MYO16: variants seen among roughly 807,000 people sequenced by gnomAD.
The protein encoded by MYO16 is unconventional myosin-XVI.
A neutral mutation model predicts 205.3 loss-of-function variants in MYO16; 94 were observed. The ratio of observed to expected loss-of-function variants is 0.46; its 90% CI spans 0.39 to 0.54. MYO16 has a LOEUF of 0.54. MYO16 is among the 20% of genes least tolerant of loss of function. MYO16 has a pLI of 0.00. For missense variants in MYO16, 2,315 were observed against 2,387.5 expected, an observed-to-expected ratio of 0.97 and a Z score of 0.63; for synonymous variants, 988 against 954.0, an observed-to-expected ratio of 1.04 and a Z score of -0.66.
At chr13:109,181,499 T>C (rs889178221) in intron 34 of MYO16, among the ~76,000 whole-genome samples, 3 of 152,254 alleles carry the variant, frequency 2.0e-5, no homozygotes, top group African/African-American at 7.2e-5. Flanking sequence ...CCTGGACAGA[T>C]TGGGCACGTA....
At position 109,140,977 on chromosome 13, in the gene MYO16, G is replaced by A; in HGVS notation, c.4765G>A (p.Ala1589Thr). 9.8e-6 allele frequency: 14 copies of A among 1,421,414 alleles called. No homozygotes were observed. Among genetic ancestry groups the A allele is most frequent in the East Asian group, 9.1e-5 (3 of 32,788 alleles). 88.1% of individuals were successfully genotyped at this position (1,421,414 alleles called of 1,614,324 possible). ...GLALFNGSGR[A>T]SPPSTPPPPP... is the part of the protein sequence containing the mutation. Reference sequence around the variant, plus strand: ...GGCGCTGTTCAACGGGTCCGGCCGAGCCTCCCCGCCGTCCACGCCGCCCCC... The same window carrying A: ...GGCGCTGTTCAACGGGTCCGGCCGAACCTCCCCGCCGTCCACGCCGCCCCC... The change falls in exon 32 of 35, where the codon GCC becomes ACC. Residue 1589 changes from alanine to threonine, a missense_variant. This residue lies in a region of MYO16 where 1,097 missense variants were observed against 1,092.0 expected (regional missense o/e 1.00). Coordinates refer to ENST00000457511, the MANE Select transcript of MYO16 (RefSeq NM_001198950.3). The surrounding 1 kb of genome is among the most constrained non-coding windows in gnomAD (Gnocchi z 8.0).
intron 4 of MYO16, among the ~76,000 whole-genome samples, chr13:108,756,990 G>A (rs966804): frequency 0.69 from 105,348 of 152,086 alleles, 36,682 homozygotes; most frequent in East Asian, 0.88. Flanking sequence ...TGGTGTATCT[G>A]TTCTTTAAAT....
chr13:108,604,252 G>C (rs962246501), intron 1 of MYO16, among the ~76,000 whole-genome samples: 6 of 152,166 alleles, frequency 3.9e-5, no homozygotes, highest in African/African-American at 1.4e-4. Context: ...TACAGAGCCA[G>C]ACTGTATCAG....
At chr13:108,941,312 T>A (rs1412172942) in intron 16 of MYO16, among the ~76,000 whole-genome samples, 3 of 152,126 alleles carry the variant, frequency 2.0e-5, no homozygotes, top group African/African-American at 7.2e-5. Context: ...ATGCTGACAC[T>A]GACATTAGCC....
intron 1 of MYO16, among the ~76,000 whole-genome samples, chr13:108,657,484 G>A (rs1881296463): frequency 6.6e-6 from 1 of 152,150 alleles, no homozygotes; most frequent in Non-Finnish European, 1.5e-5. Flanking sequence ...TCGAGAGGTG[G>A]AAGAAATATA....
chr13:109,175,225 G>C (rs1407866275), intron 33 of MYO16, among the ~76,000 whole-genome samples: 1 of 152,176 alleles, frequency 6.6e-6, no homozygotes, highest in East Asian at 1.9e-4. Flanking sequence ...ATTCCTCTTT[G>C]TGTCCTGCAG....
intron 2 of MYO16, among the ~76,000 whole-genome samples, chr13:108,679,112 G>A (rs1882350928): frequency 6.6e-6 from 1 of 152,090 alleles, no homozygotes; most frequent in Admixed American, 6.6e-5. Flanking sequence ...TGGGAATTGG[G>A]CTTCAACATA....
chr13:108,860,364 T>C (rs962518954), intron 11 of MYO16, among the ~76,000 whole-genome samples: 1 of 152,208 alleles, frequency 6.6e-6, no homozygotes, highest in Admixed American at 6.5e-5. Flanking sequence ...GGCTGCATAG[T>C]CCTCTATGAT....
At chr13:108,730,636 A>G (rs1244550896) in intron 4 of MYO16, among the ~76,000 whole-genome samples, 2 of 152,192 alleles carry the variant, frequency 1.3e-5, no homozygotes, top group East Asian at 3.8e-4. Context: ...TGTGTAACTG[A>G]GGTAATAGAC....
At chr13:108,717,299 A>G (rs1161436742) in intron 3 of MYO16, among the ~76,000 whole-genome samples, 1 of 152,092 alleles carries the variant, frequency 6.6e-6, no homozygotes, top group African/African-American at 2.4e-5. Flanking sequence ...TAACATGGAT[A>G]TAGGAATTTA....
At chr13:108,515,994 TG>T in the MYO16 span, among the ~76,000 whole-genome samples, 27 of 134,060 alleles carry the variant, frequency 2.0e-4, no homozygotes, top group Non-Finnish European at 4.2e-4. Flanking sequence ...TGAGCTATGG[TG>T]GGCTCCACCC....
At chr13:109,194,613 G>A (rs1880067562) in intron 34 of MYO16, among the ~76,000 whole-genome samples, 1 of 152,164 alleles carries the variant, frequency 6.6e-6, no homozygotes, top group Non-Finnish European at 1.5e-5. Flanking sequence ...CTGTAGGGAA[G>A]AAAAGTAGAA....
chr13:108,662,260 C>T (rs1881535519), intron 1 of MYO16, among the ~76,000 whole-genome samples: 1 of 152,158 alleles, frequency 6.6e-6, no homozygotes, highest in Non-Finnish European at 1.5e-5. Flanking sequence ...TGCTGGTTGG[C>T]CTCCTGCCAG....
chr13:108,595,728 T>G (rs145671686), upstream of MYO16, among the ~76,000 whole-genome samples: 397 of 152,262 alleles, frequency 2.6e-3, 3 homozygotes, highest in African/African-American at 9.2e-3. Flanking sequence ...TCCTCTTCTG[T>G]CTGCCCAGCT....
At chr13:108,847,681 TA>T (rs1387801313) in intron 10 of MYO16, among the ~76,000 whole-genome samples, 1 of 152,208 alleles carries the variant, frequency 6.6e-6, no homozygotes, top group African/African-American at 2.4e-5. Context: ...TTTGACATTT[TA>T]TTTTTTTTAA....
intron 15 of MYO16, among the ~76,000 whole-genome samples, chr13:108,900,276 C>G (rs970914524): frequency 6.6e-6 from 1 of 152,132 alleles, no homozygotes; most frequent in Non-Finnish European, 1.5e-5. Flanking sequence ...TTCTGTTAAT[C>G]AACAATCTCT....
intron 2 of MYO16, among the ~76,000 whole-genome samples, chr13:108,707,456 G>T (rs565090695): frequency 2.6e-4 from 39 of 152,230 alleles, no homozygotes; most frequent in African/African-American, 9.4e-4. Context: ...AGCATAGTGA[G>T]GGTCGAGGGT....
intron 19 of MYO16, 22 bp from the exon 20 acceptor site, chr13:108,964,739 C>T (rs758219629): frequency 1.2e-6 from 2 of 1,612,700 alleles, no homozygotes; most frequent in East Asian, 2.2e-5. Context: ...GCTCACTCCT[C>T]CTTTTCTTTC....
At chr13:109,117,712 T>A (rs189816904) in intron 28 of MYO16, among the ~76,000 whole-genome samples, 14 of 151,880 alleles carry the variant, frequency 9.2e-5, no homozygotes, top group Admixed American at 7.2e-4. Flanking sequence ...TAAAGAGGAG[T>A]TGGTCAACAG....
Sources: gnomAD v4.1 joint callset for allele counts (sites outside exome capture counted in the v4.1 genomes callset) on GRCh38, gnomAD v4.1.1 for gene constraint, gnomAD v4.1.1 regional missense constraint, Gnocchi (gnomAD v3.1) non-coding constraint, MANE v1.5 for transcripts, NCBI Gene and HGNC (gene_info 2026-07-23, HGNC 2026-07-21) for gene names.